The following ASXL3 variants were observed in gnomAD, a reference collection of about 807,000 sequenced individuals.
ASXL3 encodes ASXL transcriptional regulator 3.
Under a neutral mutation model 170.6 loss-of-function variants are expected in ASXL3, and 34 were observed. That is an observed-to-expected ratio of 0.20 (90% CI 0.15 to 0.27). The LOEUF (loss-of-function observed/expected upper bound fraction) is 0.27, where lower values mean the gene tolerates loss of function less well. Ranked by LOEUF, ASXL3 falls within the 10% of genes least tolerant of loss-of-function variation. ASXL3 has a pLI of 1.00. For missense variants in ASXL3, 2,592 were observed against 2,695.3 expected (o/e 0.96, Z 0.85); for synonymous variants, 1,002 against 989.1 (o/e 1.01, Z -0.24).
At chr18:33,679,304 A>G (rs2066478182) in intron 7 of ASXL3, among the ~76,000 whole-genome samples, 2 of 152,076 alleles carry the variant, frequency 1.3e-5, no homozygotes, top group Non-Finnish European at 2.9e-5. Context: ...TAAGATTTTT[A>G]TTGTGAAATA....
At chr18:33,638,316 G>T (rs922308430) in intron 2 of ASXL3, among the ~76,000 whole-genome samples, 5 of 151,968 alleles carry the variant, frequency 3.3e-5, no homozygotes, top group African/African-American at 1.2e-4. Flanking sequence ...TTTCGCCTCT[G>T]CCGCACAAAA....
chr18:33,675,996 G>A lies in ASXL3; in HGVS notation c.715+4130G>A, dbSNP rs1054329387. On this transcript the variant is annotated intron_variant, in intron 7 of 11. Transcript: ENST00000269197. Reference sequence around the variant, plus strand: ...ATCCAGCACTTTGGGAGGCCAAGGCGGGCGGATCACGAGGTCAGGAGATCG... The same window carrying A: ...ATCCAGCACTTTGGGAGGCCAAGGCAGGCGGATCACGAGGTCAGGAGATCG... 5.9e-5 allele frequency among the ~76,000 whole-genome samples: 9 copies of A among 151,760 alleles called. No homozygotes were observed. In the South Asian group the frequency reaches 1.5e-3, roughly 25 times the overall value.
chr18:33,620,523 G>A (rs562700293), intron 2 of ASXL3, among the ~76,000 whole-genome samples: 105 of 152,080 alleles, frequency 6.9e-4, no homozygotes, highest in African/African-American at 2.2e-3. Flanking sequence ...AAGTTTTTAC[G>A]GCTTACTCTG....
At position 33,743,795 on chromosome 18, in the gene ASXL3, G is replaced by T; in HGVS notation, c.3947G>T (p.Ser1316Ile). 6.2e-7 allele frequency: 1 copy of T among 1,613,972 alleles called. No individual in the cohort carries two copies. Among genetic ancestry groups the T allele is most frequent in the Non-Finnish European group, 8.5e-7 (1 of 1,179,900 alleles). ...ACTACAGAGGGCTCCAGCATATCAA[G>T]CTCCATGGATGATAAGCAGTTACTA... Reference protein sequence around the residue: ...SATTEGSSISSSMDDKQLLIS... With the variant: ...SATTEGSSISISMDDKQLLIS... The change falls in exon 12 of 12, where the codon AGC (serine) becomes ATC (isoleucine). Residue 1316 changes from serine to isoleucine, a missense_variant. Around this residue, in one of 4 missense-constraint regions of ASXL3, gnomAD observed 2,246 missense variants for 2,219.6 expected, o/e 1.01. Coordinates refer to ENST00000269197, the MANE Select transcript of ASXL3 (RefSeq NM_030632.3).
intron 8 of ASXL3, among the ~76,000 whole-genome samples, chr18:33,698,445 G>A (rs545269387): frequency 1.3e-5 from 2 of 152,232 alleles, no homozygotes; most frequent in Admixed American, 6.5e-5. Flanking sequence ...TGGATCTGAG[G>A]TGCATTTGAG....
At chr18:33,629,642 AT>A (rs1455099022) in intron 2 of ASXL3, among the ~76,000 whole-genome samples, 1 of 151,802 alleles carries the variant, frequency 6.6e-6, no homozygotes, top group Admixed American at 6.6e-5. Flanking sequence ...CTTTTTCGTT[AT>A]TGGAATTGCT....
chr18:33,644,311 A>G (rs16964829), intron 2 of ASXL3, among the ~76,000 whole-genome samples: 2,820 of 152,040 alleles, frequency 0.019, 93 homozygotes, highest in African/African-American at 0.065. Context: ...AGGCTGTATC[A>G]GAGATAGAAA....
chr18:33,705,859 A>G (rs2145335891), intron 8 of ASXL3, among the ~76,000 whole-genome samples: 1 of 152,064 alleles, frequency 6.6e-6, no homozygotes. Context: ...ATTTTTTAAA[A>G]AGAGAGAACA....
chr18:33,716,309 A>G lies in ASXL3; in HGVS notation c.880-15659A>G, dbSNP rs181838756. ...CTTTCATGTGTTTGGGAAATGCTAC[A>G]TTCATTTGCATAGTAAAAGTCCCAG... On this transcript the variant is annotated intron_variant, in intron 8 of 11. Transcript: ENST00000269197. 4.4e-4 allele frequency among the ~76,000 whole-genome samples: 67 copies of G among 152,338 alleles called. 1 individual carries two copies. The East Asian group carries it at 9.3e-3, about 21-fold the overall frequency.
At chr18:33,635,789 T>A (rs966580746) in intron 2 of ASXL3, among the ~76,000 whole-genome samples, 3 of 152,198 alleles carry the variant, frequency 2.0e-5, no homozygotes, top group African/African-American at 7.2e-5. Context: ...CAGACATGAT[T>A]GCAGCCATGA....
intron 8 of ASXL3, among the ~76,000 whole-genome samples, chr18:33,698,650 G>C (rs528971885): frequency 3.4e-4 from 51 of 152,154 alleles, no homozygotes; most frequent in African/African-American, 1.2e-3. Context: ...AAATGTTAAT[G>C]GCTGAATAAA....
At chr18:33,672,496 AG>A (rs2066359930) in intron 7 of ASXL3, among the ~76,000 whole-genome samples, 1 of 152,160 alleles carries the variant, frequency 6.6e-6, no homozygotes, top group East Asian at 1.9e-4. Context: ...CATGAGAATT[AG>A]AAAGACAAAA....
At chr18:33,693,186 G>T (rs1034408984) in intron 8 of ASXL3, among the ~76,000 whole-genome samples, 2 of 152,188 alleles carry the variant, frequency 1.3e-5, no homozygotes, top group African/African-American at 4.8e-5. Flanking sequence ...AGGGGAGAAG[G>T]AGGTGCTGAA....
chr18:33,606,001 A>G (rs548095815), intron 1 of ASXL3, among the ~76,000 whole-genome samples: 70 of 152,042 alleles, frequency 4.6e-4, no homozygotes, highest in Admixed American at 1.4e-3. Flanking sequence ...GTAATTCATA[A>G]TTATGTACTG....
At chr18:33,646,470 T>TAA (rs1219934608) in intron 4 of ASXL3, 117 bp downstream of exon 4, 6 of 672,096 alleles carry the variant, frequency 8.9e-6, no homozygotes, top group Non-Finnish European at 1.4e-5. Flanking sequence ...TCTAAATTTT[T>TAA]ACCGCTGAGA....
intron 8 of ASXL3, among the ~76,000 whole-genome samples, chr18:33,693,648 G>A (rs1281159328): frequency 1.3e-5 from 2 of 152,098 alleles, no homozygotes; most frequent in Non-Finnish European, 2.9e-5. Flanking sequence ...TAGTTGCTGA[G>A]AATCATTGAG....
intron 8 of ASXL3, among the ~76,000 whole-genome samples, chr18:33,713,258 T>TG (rs2067105496): frequency 1.9e-5 from 2 of 106,750 alleles, no homozygotes; most frequent in Non-Finnish European, 3.6e-5. Context: ...GTTTTTTTTT[T>TG]TTTTTTTTTT....
intron 5 of ASXL3, among the ~76,000 whole-genome samples, chr18:33,664,480 A>G (rs181736011): frequency 9.8e-5 from 15 of 152,316 alleles, no homozygotes; most frequent in African/African-American, 3.4e-4. Flanking sequence ...ACTCAAATAT[A>G]TGTCATTGTT....
rs138246563 is a variant in ASXL3, at chr18:33,725,848, C to T, written c.880-6120C>T. The stretch of plus-strand genomic sequence containing the variant: ...ATCTTTTTGTCTCATCTTTCTCAGC[C>T]CCAGTGATCACTCAGTGCCATCAAT... On this transcript the variant is annotated intron_variant, in intron 8 of 11. Transcript: ENST00000269197. Among the ~76,000 whole-genome samples, 190 of 152,244 alleles carry T rather than the reference C, an allele frequency of 1.2e-3. 2 individuals are homozygous for T. Among genetic ancestry groups the T allele is most frequent in the East Asian group, 6.0e-3 (31 of 5,168 alleles).
Sources: gnomAD v4.1 joint callset for allele counts (sites outside exome capture counted in the v4.1 genomes callset) on GRCh38, gnomAD v4.1.1 for gene constraint, gnomAD v4.1.1 regional missense constraint, MANE v1.5 for transcripts, NCBI Gene and HGNC (gene_info 2026-07-23, HGNC 2026-07-21) for gene names.